Variants in DMD observed in about 807,000 individuals in gnomAD.
DMD encodes mutant dystrophin.
DMD carries 63 observed loss-of-function variants against 330.1 expected under a neutral mutation model. The observed-to-expected ratio is 0.19, with a 90% CI of 0.16 to 0.24. DMD has a LOEUF of 0.24. Ranked by LOEUF, DMD falls within the 10% of genes least tolerant of loss-of-function variation. The pLI is 1.00. For missense variants in DMD, 3,344 were observed against 2,684.1 expected, an observed-to-expected ratio of 1.25 and a Z score of -5.43; for synonymous variants, 1,223 against 959.8, an observed-to-expected ratio of 1.27 and a Z score of -5.07.
chrX:32,015,263 T>C (rs181846295), intron 44 of DMD, among the ~76,000 whole-genome samples: 34 of 111,794 alleles, frequency 3.0e-4, no homozygotes, highest in Admixed American at 2.1e-3. Flanking sequence ...TAAGAATCAC[T>C]TGGAGACCTT....
rs1405393921 is a variant in DMD, at chrX:32,518,157, T to C, written c.2169-26A>G. The C allele has an allele frequency of 2.5e-6, 3 of 1,187,460 alleles. No individual in the cohort carries two copies. The African/African-American group carries it at 5.3e-5, about 21-fold the overall frequency. ...CTAAGACAGCAAAAAATAAAAGTCA[T>C]TATTTCTTGATTATCTCTTTCTTCT... On this transcript the variant is annotated intron_variant, in intron 17 of 78. Transcript: ENST00000357033.
chrX:32,615,023 T>C (rs2057453468), intron 11 of DMD, among the ~76,000 whole-genome samples: 1 of 111,211 alleles, frequency 9.0e-6, no homozygotes, highest in Non-Finnish European at 1.9e-5. Context: ...CACTACCGAA[T>C]CATTAGAGAC....
intron 64 of DMD, among the ~76,000 whole-genome samples, chrX:31,222,345 G>A (rs1232785992): frequency 1.2e-5 from 1 of 82,802 alleles, no homozygotes. Flanking sequence ...CCCATATTGC[G>A]CCACTCCACT....
intron 63 of DMD, among the ~76,000 whole-genome samples, chrX:31,233,860 G>A (rs1379859484): frequency 8.9e-6 from 1 of 111,913 alleles, no homozygotes; most frequent in Admixed American, 9.5e-5. Context: ...GTCACCAACT[G>A]GTTGAATTTA....
chrX:31,518,573 G>T (rs1046558710), intron 55 of DMD, among the ~76,000 whole-genome samples: 1 of 109,489 alleles, frequency 9.1e-6, no homozygotes, highest in Non-Finnish European at 1.9e-5. Flanking sequence ...GAATCAGTCT[G>T]TTTGAAGAAA....
intron 1 of DMD, among the ~76,000 whole-genome samples, chrX:33,249,444 C>T (rs1270796599): frequency 8.9e-6 from 1 of 112,340 alleles, no homozygotes; most frequent in Admixed American, 9.4e-5. Flanking sequence ...AGCCACCATG[C>T]CTGGCCAATT....
chrX:31,644,207 T>C (rs1159711900), intron 54 of DMD, among the ~76,000 whole-genome samples: 1 of 111,833 alleles, frequency 8.9e-6, no homozygotes, highest in Non-Finnish European at 1.9e-5. Context: ...TTAGAGCCAG[T>C]ATGTTAATAC....
At chrX:31,307,051 T>C (rs16998174) in intron 62 of DMD, among the ~76,000 whole-genome samples, 8,640 of 111,348 alleles carry the variant, frequency 0.078, 671 homozygotes, top group African/African-American at 0.24. Flanking sequence ...TATTCAGTGT[T>C]CCTCTGCTCA....
At chrX:32,650,945 T>C (rs2060109217) in intron 9 of DMD, among the ~76,000 whole-genome samples, 1 of 111,134 alleles carries the variant, frequency 9.0e-6, no homozygotes, top group Admixed American at 9.6e-5. Context: ...TAGAAATTAG[T>C]AGGATGAGGA....
At chrX:32,183,619 TACTC>T (rs2096935685) in intron 44 of DMD, among the ~76,000 whole-genome samples, 1 of 104,148 alleles carries the variant, frequency 9.6e-6, no homozygotes, top group Non-Finnish European at 2.0e-5. Flanking sequence ...ATCTAAAAAA[TACTC>T]TAACTGACAA....
intron 19 of DMD, among the ~76,000 whole-genome samples, chrX:32,499,922 G>C (rs1182653066): frequency 1.8e-5 from 2 of 111,399 alleles, no homozygotes; most frequent in African/African-American, 3.3e-5. Flanking sequence ...AAATAGATAA[G>C]TTAGAATATT....
chrX:31,576,434 CT>C lies in DMD; in HGVS notation c.8217+51238del, dbSNP rs1416380277. On this transcript the variant is annotated intron_variant, in intron 55 of 78. Transcript: ENST00000357033. ...TTGCCACAGAAAATTTCAAAAATTA[CT>C]TTTTTTTTTTTTTAAAGACAGAAAG... 3.5e-3 allele frequency among the ~76,000 whole-genome samples: 350 copies of C among 100,746 alleles called. 1 individual carries two copies. The highest frequency in any genetic ancestry group is 3.8e-3 in the Non-Finnish European group (185 of 48,971). The allele number at this position is 100,746 out of a possible 115,157, so 87.5% of individuals were successfully genotyped here.
chrX:31,398,695 G>A (rs2061054413), intron 60 of DMD, among the ~76,000 whole-genome samples: 1 of 111,887 alleles, frequency 8.9e-6, no homozygotes, highest in Non-Finnish European at 1.9e-5. Flanking sequence ...AAGGCTGGAG[G>A]GCAGTGGCTA....
chrX:31,449,799 G>GATAGATAT (rs2065588148), intron 59 of DMD, among the ~76,000 whole-genome samples: 1 of 66,448 alleles, frequency 1.5e-5, no homozygotes, highest in African/African-American at 5.1e-5. Flanking sequence ...TATATATATA[G>GATAGATAT]ATAGATAGAT....
At chrX:31,142,230 G>T (rs1163594553) in intron 76 of DMD, among the ~76,000 whole-genome samples, 6 of 111,664 alleles carry the variant, frequency 5.4e-5, no homozygotes, top group African/African-American at 2.0e-4. Context: ...TTGTGCTTAT[G>T]CAAGAATATC....
chrX:32,388,830 G>A (rs901598347), intron 32 of DMD, among the ~76,000 whole-genome samples: 93 of 111,126 alleles, frequency 8.4e-4, no homozygotes, highest in African/African-American at 2.8e-3. Context: ...CCTCAGCTTT[G>A]TTTTCAGAGG....
At chrX:32,708,533 G>T (rs1178077309) in intron 7 of DMD, among the ~76,000 whole-genome samples, 2 of 111,189 alleles carry the variant, frequency 1.8e-5, no homozygotes. Context: ...CAATATATAC[G>T]ATCTATTATT....
intron 17 of DMD, among the ~76,000 whole-genome samples, chrX:32,530,589 G>A (rs1018920139): frequency 6.3e-5 from 7 of 111,625 alleles, no homozygotes; most frequent in Admixed American, 4.8e-4. Context: ...AAAATTAAAA[G>A]GTAAGAAACC....
intron 21 of DMD, among the ~76,000 whole-genome samples, chrX:32,477,835 A>G (rs964365464): frequency 1.8e-5 from 2 of 111,408 alleles, no homozygotes; most frequent in Non-Finnish European, 3.8e-5. Flanking sequence ...GTGCCAACCA[A>G]TAAGGTAGCA....
Sources: allele counts gnomAD v4.1 joint callset (sites outside exome capture counted in the v4.1 genomes callset), GRCh38; gene constraint gnomAD v4.1.1; transcripts MANE v1.5; gene names NCBI Gene and HGNC (gene_info 2026-07-23, HGNC 2026-07-21).